SLC2A13: variants seen among roughly 807,000 people sequenced by gnomAD.
SLC2A13 encodes proton myo-inositol cotransporter.
Under a neutral mutation model 64.4 loss-of-function variants are expected in SLC2A13, and 32 were observed. The observed-to-expected ratio is 0.50, with a 90% CI of 0.37 to 0.67. The LOEUF (loss-of-function observed/expected upper bound fraction) is 0.67. Among genes scored for constraint, SLC2A13 ranks in the 30% least tolerant of loss-of-function variants. The probability of loss-of-function intolerance (pLI) is 0.00; values close to 1 mark genes in which losing one functional copy is unlikely to be tolerated. For synonymous variants in SLC2A13, 338 were observed against 327.1 expected (o/e 1.03, Z -0.36); for missense variants, 743 against 829.2 (o/e 0.90, Z 1.28).
At chr12:39,950,863 C>A (rs899807091) in intron 4 of SLC2A13, 2 of 211,952 alleles carry the variant, frequency 9.4e-6, no homozygotes, top group Non-Finnish European at 1.9e-5. Context: ...TAGACTGCAC[C>A]AAAAAGAAAT....
chr12:40,044,595 A>T (rs1306843264), intron 2 of SLC2A13, among the ~76,000 whole-genome samples: 1 of 152,212 alleles, frequency 6.6e-6, no homozygotes, highest in East Asian at 1.9e-4. Context: ...ATGTACTATG[A>T]TAATGAAGTG....
At chr12:39,902,605 G>A (rs937627272) in intron 4 of SLC2A13, among the ~76,000 whole-genome samples, 1 of 151,986 alleles carries the variant, frequency 6.6e-6, no homozygotes, top group South Asian at 2.1e-4. Flanking sequence ...TCACAAAAGT[G>A]AAATCTAGAA....
intron 2 of SLC2A13, among the ~76,000 whole-genome samples, chr12:40,045,314 A>G (rs958806116): frequency 6.6e-6 from 1 of 152,060 alleles, no homozygotes; most frequent in African/African-American, 2.4e-5. Context: ...ATTTTACATG[A>G]TATATTTAGA....
chr12:39,858,211 T>C (rs1943658289), intron 6 of SLC2A13, among the ~76,000 whole-genome samples: 1 of 152,214 alleles, frequency 6.6e-6, no homozygotes, highest in African/African-American at 2.4e-5. Context: ...ATATGTGCAG[T>C]TATTTGGCAA....
chr12:39,761,622 G>A (rs1286801516), intron 9 of SLC2A13, among the ~76,000 whole-genome samples: 1 of 26,284 alleles, frequency 3.8e-5, no homozygotes, highest in Non-Finnish European at 7.1e-5. Context: ...GAGAATGGGG[G>A]AATTTTGACA....
chr12:39,957,660 C>A (rs1205542670), intron 3 of SLC2A13, among the ~76,000 whole-genome samples: 1 of 152,202 alleles, frequency 6.6e-6, no homozygotes, highest in Non-Finnish European at 1.5e-5. Flanking sequence ...ACAAATTCAG[C>A]ATGTCAGGTC....
intron 1 of SLC2A13, among the ~76,000 whole-genome samples, chr12:40,050,478 G>T (rs983266559): frequency 2.0e-5 from 3 of 152,182 alleles, no homozygotes; most frequent in African/African-American, 7.2e-5. Context: ...ATTGAAGACA[G>T]ACTCATTGGA....
At chr12:39,807,348 A>C (rs1942011773) in intron 7 of SLC2A13, among the ~76,000 whole-genome samples, 1 of 152,210 alleles carries the variant, frequency 6.6e-6, no homozygotes, top group Non-Finnish European at 1.5e-5. Flanking sequence ...TGCATAAGTA[A>C]AACGGAAAGT....
chr12:40,099,086 A>G (rs1939059649), intron 1 of SLC2A13, among the ~76,000 whole-genome samples: 1 of 152,236 alleles, frequency 6.6e-6, no homozygotes, highest in African/African-American at 2.4e-5. Flanking sequence ...TAAAAGGCCT[A>G]ACTAGAAAGC....
At position 39,938,656 on chromosome 12, in the gene SLC2A13, T is replaced by C. The variant is rs1323799332; in HGVS notation, c.1034+12601A>G. On this transcript the variant is annotated intron_variant, in intron 4 of 9. Coordinates refer to ENST00000280871, the MANE Select transcript of SLC2A13 (RefSeq NM_052885.4). ...ATGAATCTCCAATTTTTATTGGTTA[T>C]TTTCCACATGGTTAGCCAGGGATCA... 3.3e-5 allele frequency among the ~76,000 whole-genome samples: 5 copies of C among 151,162 alleles called. No homozygotes were observed. In the Admixed American group the frequency reaches 3.3e-4, roughly 10 times the overall value.
At chr12:40,022,307 A>G (rs1346456903) in intron 3 of SLC2A13, among the ~76,000 whole-genome samples, 2 of 152,262 alleles carry the variant, frequency 1.3e-5, no homozygotes, top group African/African-American at 2.4e-5. Flanking sequence ...CATAGATTAC[A>G]TATCACACAG....
In SLC2A13 at chr12:39,758,641, A is replaced by T. The variant is rs541455183; in HGVS notation, c.*1385T>A. On this transcript the variant is annotated 3_prime_UTR_variant, in exon 10 of 10. Coordinates refer to ENST00000280871, the MANE Select transcript of SLC2A13 (RefSeq NM_052885.4). ...CCATAAAAACCAATGAATACCTTGG[A>T]AAGACATTGTGGAAATATAATTAAG... The T allele has an allele frequency of 6.6e-6, 1 of 152,168 alleles. No homozygotes were observed. Among genetic ancestry groups the T allele is most frequent in the South Asian group, 2.1e-4 (1 of 4,828 alleles). 9.4% of individuals were successfully genotyped at this position (152,168 alleles called of 1,614,324 possible).
chr12:39,993,826 C>T (rs1283481001), intron 3 of SLC2A13, among the ~76,000 whole-genome samples: 1 of 152,136 alleles, frequency 6.6e-6, no homozygotes, highest in East Asian at 1.9e-4. Context: ...ACAAATATTT[C>T]CAAACAACAT....
intron 3 of SLC2A13, among the ~76,000 whole-genome samples, chr12:40,019,535 G>A (rs779075694): frequency 1.3e-5 from 2 of 152,102 alleles, no homozygotes; most frequent in African/African-American, 4.8e-5. Context: ...CCAGTACAAC[G>A]TGGATTATAA....
chr12:39,971,931 C>T (rs1481667623), intron 3 of SLC2A13, among the ~76,000 whole-genome samples: 18 of 144,836 alleles, frequency 1.2e-4, no homozygotes, highest in South Asian at 6.5e-4. Flanking sequence ...GCTGAGATCA[C>T]GCCACTGCAC....
intron 3 of SLC2A13, among the ~76,000 whole-genome samples, chr12:39,978,751 C>G (rs556105289): frequency 2.0e-5 from 3 of 152,290 alleles, no homozygotes; most frequent in African/African-American, 7.2e-5. Flanking sequence ...GGGGGAGAGG[C>G]GCCCGCCATT....
chr12:39,990,180 G>A (rs1331535565), intron 3 of SLC2A13, among the ~76,000 whole-genome samples: 3 of 152,114 alleles, frequency 2.0e-5, no homozygotes, highest in Non-Finnish European at 4.4e-5. Context: ...ATTATATAAA[G>A]TAGTCTTACA....
At chr12:39,949,542 TA>T (rs1946193424) in intron 4 of SLC2A13, 1 of 152,212 alleles carries the variant, frequency 6.6e-6, no homozygotes, top group Admixed American at 6.5e-5. Flanking sequence ...CAGCTCAATT[TA>T]CACTAGCTAC....
At chr12:40,017,782 G>A (rs1947643175) in intron 3 of SLC2A13, among the ~76,000 whole-genome samples, 1 of 152,206 alleles carries the variant, frequency 6.6e-6, no homozygotes, top group African/African-American at 2.4e-5. Flanking sequence ...AATGTGCTCT[G>A]AGCAGTGGTC....
Sources: gnomAD v4.1 joint callset for allele counts (sites outside exome capture counted in the v4.1 genomes callset) on GRCh38, gnomAD v4.1.1 for gene constraint, MANE v1.5 for transcripts, NCBI Gene and HGNC (gene_info 2026-07-23, HGNC 2026-07-21) for gene names.